FNDC3B: variants seen among roughly 807,000 people sequenced by gnomAD.
FNDC3B encodes the protein fibronectin type III domain containing 3B, also known as fibronectin type III domain-containing protein 3B.
In FNDC3B, 12 loss-of-function variants were observed where a neutral mutation model predicts 151.5. That is an observed-to-expected ratio of 0.08 (90% CI 0.05 to 0.13). The LOEUF is 0.13. FNDC3B is among the 10% of genes least tolerant of loss of function. The probability of loss-of-function intolerance (pLI) is 1.00; values close to 1 mark genes in which losing one functional copy is unlikely to be tolerated. For synonymous variants in FNDC3B, 528 were observed against 549.0 expected (o/e 0.96, Z 0.54); for missense variants, 1,214 against 1,505.3 (o/e 0.81, Z 3.20).
intron 3 of FNDC3B, among the ~76,000 whole-genome samples, chr3:172,167,819 T>A (rs944520082): frequency 6.6e-6 from 1 of 152,178 alleles, no homozygotes; most frequent in Admixed American, 6.5e-5. Flanking sequence ...GGATCTAGGT[T>A]GCGTACTCCT....
chr3:172,092,511 T>C (rs1405805262), intron 1 of FNDC3B, among the ~76,000 whole-genome samples: 1 of 152,212 alleles, frequency 6.6e-6, no homozygotes, highest in African/African-American at 2.4e-5. Context: ...TTTGAGTATC[T>C]CTCAGAGAGG....
chr3:172,158,924 G>A (rs2108614127), intron 3 of FNDC3B, among the ~76,000 whole-genome samples: 2 of 151,960 alleles, frequency 1.3e-5, no homozygotes, highest in South Asian at 4.2e-4. Context: ...TCAATGTCCA[G>A]TTGCTCTAGC....
At chr3:172,115,424 G>A (rs1046685751) in intron 2 of FNDC3B, among the ~76,000 whole-genome samples, 1 of 152,190 alleles carries the variant, frequency 6.6e-6, no homozygotes, top group Non-Finnish European at 1.5e-5. Flanking sequence ...AGAGTGTGGG[G>A]CTGCATGAGT....
At chr3:172,117,397 G>GT in intron 2 of FNDC3B, among the ~76,000 whole-genome samples, 1 of 152,270 alleles carries the variant, frequency 6.6e-6, no homozygotes, top group East Asian at 1.9e-4. Context: ...ACTTACCTGT[G>GT]TTTGTTATGG....
intron 1 of FNDC3B, among the ~76,000 whole-genome samples, chr3:172,068,246 G>C (rs1298010640): frequency 1.3e-5 from 2 of 152,170 alleles, no homozygotes; most frequent in Admixed American, 1.3e-4. Context: ...CAGAGCTGAT[G>C]CTCTGCCGAG....
intron 3 of FNDC3B, among the ~76,000 whole-genome samples, chr3:172,142,625 A>G (rs1721681854): frequency 6.6e-6 from 1 of 152,224 alleles, no homozygotes; most frequent in Non-Finnish European, 1.5e-5. Context: ...TTCATGTTAC[A>G]AGTGTCTTTA....
intron 24 of FNDC3B, among the ~76,000 whole-genome samples, chr3:172,378,773 G>T (rs1336248120): frequency 6.6e-6 from 1 of 152,156 alleles, no homozygotes; most frequent in Admixed American, 6.5e-5. Context: ...GCAGAGGTTG[G>T]CATTCATCTT....
At chr3:172,269,240 AT>A (rs201744001) in intron 6 of FNDC3B, among the ~76,000 whole-genome samples, 266 of 151,006 alleles carry the variant, frequency 1.8e-3, no homozygotes, top group African/African-American at 6.1e-3. Flanking sequence ...AAATCTCCAT[AT>A]TTTTTTTTCT....
intron 1 of FNDC3B, among the ~76,000 whole-genome samples, chr3:172,077,669 T>A (rs1267226184): frequency 6.6e-6 from 1 of 152,138 alleles, no homozygotes; most frequent in Admixed American, 6.6e-5. Flanking sequence ...ATTAATGAAT[T>A]CTTTTCTGTG....
At chr3:172,130,570 G>A (rs558977236) in intron 2 of FNDC3B, among the ~76,000 whole-genome samples, 11 of 152,264 alleles carry the variant, frequency 7.2e-5, no homozygotes, top group South Asian at 4.1e-4. Context: ...ATGCCTCTGC[G>A]TCGTTCTTTG....
rs1416851725 is a variant in FNDC3B at position 172,040,883 on chromosome 3, T to G, written c.-29+1112T>G. 6.6e-6 allele frequency among the ~76,000 whole-genome samples: 1 copy of G among 152,076 alleles called. No individual in the cohort carries two copies. The highest frequency in any genetic ancestry group is 2.4e-5 in the African/African-American group (1 of 41,436). On this transcript the variant is annotated intron_variant, in intron 1 of 25. Coordinates refer to ENST00000415807, the MANE Select transcript of FNDC3B (RefSeq NM_022763.4). This position sits in a 1 kb window ranked among gnomAD's most constrained non-coding sequence, Gnocchi z 6.6. ...GGCCCGCCGTCTCGGGAGACTGGGC[T>G]GCGCCGCCCGGCGGCGCCTTTGGCG...
intron 5 of FNDC3B, 71 bp from the exon 6 acceptor site, chr3:172,251,189 A>T: frequency 8.2e-7 from 1 of 1,214,832 alleles, no homozygotes; most frequent in East Asian, 2.5e-5. Flanking sequence ...GAGCCAGATC[A>T]TTTGACCATT....
intron 6 of FNDC3B, among the ~76,000 whole-genome samples, chr3:172,281,118 A>G (rs2108817304): frequency 6.6e-6 from 1 of 152,070 alleles, no homozygotes; most frequent in Admixed American, 6.5e-5. Flanking sequence ...GCTCCTTTTC[A>G]AAAACTTTCC....
intron 22 of FNDC3B, among the ~76,000 whole-genome samples, chr3:172,358,954 TTGGTGGTGGTGGTGGTGGTGGTGG>T (rs60325692): frequency 1.2e-3 from 96 of 80,608 alleles, no homozygotes; most frequent in African/African-American, 3.2e-3. Context: ...CACAGTTTTC[TTGGTGGTGGTGGTGGTGGTGGTGG>T]TGGTGGTGGT....
chr3:172,262,087 A>G (rs2108791123), intron 6 of FNDC3B, among the ~76,000 whole-genome samples: 3 of 152,366 alleles, frequency 2.0e-5, no homozygotes, highest in Admixed American at 2.0e-4. Context: ...GGAAGTGGTA[A>G]GAACAGGAAA....
chr3:172,317,023 G>A (rs974789198), intron 11 of FNDC3B, among the ~76,000 whole-genome samples: 5 of 152,074 alleles, frequency 3.3e-5, no homozygotes, highest in Non-Finnish European at 4.4e-5. Flanking sequence ...AACCAAACTC[G>A]TCTTTTTATC....
At chr3:172,081,422 T>C (rs553571369) in intron 1 of FNDC3B, among the ~76,000 whole-genome samples, 1 of 152,320 alleles carries the variant, frequency 6.6e-6, no homozygotes, top group African/African-American at 2.4e-5. Context: ...ATGCTAATAT[T>C]GTGATTTTCC....
intron 3 of FNDC3B, among the ~76,000 whole-genome samples, chr3:172,207,379 T>C (rs1725486504): frequency 1.3e-5 from 2 of 152,102 alleles, no homozygotes; most frequent in African/African-American, 4.8e-5. Flanking sequence ...AATAACACAG[T>C]TTACAAGGAA....
At chr3:172,185,619 G>A (rs748388679) in intron 3 of FNDC3B, among the ~76,000 whole-genome samples, 7 of 152,236 alleles carry the variant, frequency 4.6e-5, no homozygotes, top group South Asian at 2.1e-4. Context: ...AAACTTAAAA[G>A]CAAAACTTAA....
Sources: gnomAD v4.1 joint callset for allele counts (sites outside exome capture counted in the v4.1 genomes callset) on GRCh38, gnomAD v4.1.1 for gene constraint, Gnocchi (gnomAD v3.1) non-coding constraint, MANE v1.5 for transcripts, NCBI Gene and HGNC (gene_info 2026-07-23, HGNC 2026-07-21) for gene names.